Variants in VWF observed in about 807,000 individuals in gnomAD.
VWF encodes the protein von Willebrand factor, also known as Factor VIII related antigen.
A neutral mutation model predicts 308.6 loss-of-function variants in VWF; 176 were observed. The ratio of observed to expected loss-of-function variants is 0.57; its 90% CI spans 0.50 to 0.65. The LOEUF (loss-of-function observed/expected upper bound fraction) is 0.65. Ranked by LOEUF, VWF falls within the 30% of genes least tolerant of loss-of-function variation. The pLI is 0.00. For synonymous variants in VWF, 1,385 were observed against 1,443.4 expected (o/e 0.96, Z 0.92); for missense variants, 3,146 against 3,648.2 (o/e 0.86, Z 3.55).
Position 5,952,449 on chromosome 12 carries a change from C to A in VWF, c.8057G>T (p.Trp2686Leu), listed in dbSNP as rs1484884716. The part of the protein sequence containing the change: ...CKVNERGEYF[W>L]EKRVTGCPPF... ...TGGGCAGCCTGTGACCCTCTTCTCC[C>A]AGAAGTACTCTCCTCTCTCATTGAC... Residue 2686 changes from tryptophan to leucine, a missense_variant, in exon 49 of 52, where the codon TGG (tryptophan) becomes TTG (leucine). Physicochemically the swap from Trp to Leu is moderately conservative, Grantham distance 61 (BLOSUM62 -2). This residue lies in a region of VWF where 989 missense variants were observed against 1,117.4 expected (regional missense o/e 0.89). Transcript: ENST00000261405. 1 of 1,614,134 alleles carries A rather than the reference C, an allele frequency of 6.2e-7. No homozygotes were observed. The highest frequency in any genetic ancestry group is 2.2e-5 in the East Asian group (1 of 44,880).
intron 3 of VWF, among the ~76,000 whole-genome samples, chr12:6,115,948 T>C (rs1036675505): frequency 6.6e-6 from 1 of 152,274 alleles, no homozygotes; most frequent in Middle Eastern, 3.4e-3. Context: ...AAATCCCCTT[T>C]TTGCAACACA....
intron 6 of VWF, among the ~76,000 whole-genome samples, chr12:6,091,206 G>A (rs1439148588): frequency 6.8e-6 from 1 of 147,280 alleles, no homozygotes; most frequent in East Asian, 2.1e-4. Flanking sequence ...TTGGTCAGAG[G>A]TCAAATTGTT....
intron 6 of VWF, among the ~76,000 whole-genome samples, chr12:6,089,924 A>C (rs1461685453): frequency 6.6e-6 from 1 of 152,104 alleles, no homozygotes; most frequent in African/African-American, 2.4e-5. Context: ...ATGTTTGGGA[A>C]AAAAAGAAAG....
chr12:6,033,019 C>A (rs1440764162), intron 20 of VWF, among the ~76,000 whole-genome samples: 1 of 150,784 alleles, frequency 6.6e-6, no homozygotes, highest in East Asian at 1.9e-4. Flanking sequence ...CATGCATACA[C>A]CCACACAGAC....
intron 34 of VWF, among the ~76,000 whole-genome samples, chr12:6,001,766 A>T (rs529722162): frequency 1.4e-4 from 21 of 152,306 alleles, no homozygotes; most frequent in Admixed American, 1.4e-3. Flanking sequence ...TGACAGGAAG[A>T]GAGCGAGGGA....
intron 48 of VWF, 77 bp downstream of exon 48, chr12:5,953,419 T>C: frequency 2.4e-6 from 3 of 1,232,904 alleles, no homozygotes; most frequent in Non-Finnish European, 3.6e-6. Context: ...TTAGCCCCTC[T>C]TCCTTGAAGA....
At chr12:6,032,630 T>C (rs1194203581) in intron 20 of VWF, among the ~76,000 whole-genome samples, 1 of 151,030 alleles carries the variant, frequency 6.6e-6, no homozygotes, top group Non-Finnish European at 1.5e-5. Context: ...AGAGCGAGAC[T>C]CTGTCTCAAA....
At chr12:5,970,612 CA>C (rs1231494927) in intron 44 of VWF, among the ~76,000 whole-genome samples, 1 of 152,154 alleles carries the variant, frequency 6.6e-6, no homozygotes, top group East Asian at 1.9e-4. Context: ...AACCCATAGG[CA>C]ACTCGGACTA....
chr12:5,983,521 TTAGA>T (rs79433577), intron 40 of VWF, among the ~76,000 whole-genome samples: 54 of 136,574 alleles, frequency 4.0e-4, no homozygotes, highest in South Asian at 1.3e-3. Flanking sequence ...ACTAGGTACA[TTAGA>T]TAGATAGATA....
rs1166579446 is a variant in VWF at position 6,063,101 on chromosome 12, G to C, written c.1433-47C>G. 2.0e-6 allele frequency: 3 copies of C among 1,521,394 alleles called. No individual in the cohort carries two copies. The South Asian group carries it at 3.4e-5, about 17-fold the overall frequency. The allele number at this position is 1,521,394 out of a possible 1,614,324, so 94.2% of individuals were successfully genotyped here. A position where few individuals can be genotyped will look rare whatever the true frequency, so the allele number is the denominator to read the frequency against. On this transcript the variant is annotated intron_variant, in intron 12 of 51. Transcript: ENST00000261405. The surrounding 1 kb of genome is among the most constrained non-coding windows in gnomAD (Gnocchi z 4.9). ...CTCAGGCAGAGGTGGGGAGAGGACA[G>C]GGTGGTGGCAGGCAGATGTATTTGG...
chr12:6,034,855 G>T, intron 19 of VWF, 29 bp from the exon 20 acceptor site: 4 of 1,612,106 alleles, frequency 2.5e-6, no homozygotes, highest in Non-Finnish European at 3.4e-6. Flanking sequence ...GAGATGACAA[G>T]TTGGGCACCT....
At chr12:6,123,253 G>A (rs956496299) in intron 1 of VWF, 57 bp from the exon 2 acceptor site, 10 of 1,602,726 alleles carry the variant, frequency 6.2e-6, no homozygotes, top group Non-Finnish European at 8.5e-6. Context: ...GCGGCTGCTG[G>A]TGTGGCGACT....
chr12:6,025,895 C>G lies in VWF; in HGVS notation c.3108+11G>C, dbSNP rs779985303. The G allele has an allele frequency of 2.7e-5, 43 of 1,613,792 alleles. No homozygotes were observed. The Admixed American group carries it at 3.7e-4, about 14-fold the overall frequency. Reference sequence around the variant, plus strand: ...CTCTAGGGCTCTGTCCACACAGAGACCCAGACGTACTTTTCTGGTGTCAGC... The same window carrying G: ...CTCTAGGGCTCTGTCCACACAGAGAGCCAGACGTACTTTTCTGGTGTCAGC... On this transcript the variant is annotated intron_variant, in intron 23 of 51. Coordinates refer to ENST00000261405, the MANE Select transcript of VWF (RefSeq NM_000552.5).
chr12:5,958,757 G>T (rs1257848024), intron 47 of VWF, among the ~76,000 whole-genome samples: 1 of 152,138 alleles, frequency 6.6e-6, no homozygotes, highest in Non-Finnish European at 1.5e-5. Flanking sequence ...ATTTTTACCT[G>T]TTTTCTTTCA....
rs1430387927 is a variant in VWF, at chr12:6,046,879, T to A, written c.2187-62A>T. 3 of 1,456,600 alleles carry A rather than the reference T, an allele frequency of 2.1e-6. No individual in the cohort carries two copies. The African/African-American group carries it at 4.2e-5, about 20-fold the overall frequency. The allele number at this position is 1,456,600 out of a possible 1,614,324, so 90.2% of individuals were successfully genotyped here. ...CTCGTCTATACTCGCTGCCTCCACA[T>A]CTTCACCTCCCACTCACTCTCTGCC... On this transcript the variant is annotated intron_variant, in intron 16 of 51. Transcript: ENST00000261405. The surrounding 1 kb of genome is among the most constrained non-coding windows in gnomAD (Gnocchi z 5.0).
chr12:6,085,041 C>G (rs1279224785), intron 6 of VWF, among the ~76,000 whole-genome samples: 1 of 152,172 alleles, frequency 6.6e-6, no homozygotes, highest in Non-Finnish European at 1.5e-5. Flanking sequence ...TAGCTGGGGT[C>G]CAGTGCTCAT....
At chr12:6,021,534 A>C (rs532731966) in intron 27 of VWF, 1 of 214,280 alleles carries the variant, frequency 4.7e-6, no homozygotes, top group African/African-American at 2.3e-5. Flanking sequence ...CCCCACCTCC[A>C]GTATATGGAC....
intron 44 of VWF, 73 bp from the exon 45 acceptor site, chr12:5,969,464 T>C: frequency 6.3e-7 from 1 of 1,576,466 alleles, no homozygotes; most frequent in South Asian, 1.1e-5. Flanking sequence ...GAATGTGCTC[T>C]TCTCTCAGGA....
Position 6,058,413 on chromosome 12 carries a change from G to A in VWF, c.1534-369C>T, listed in dbSNP as rs1258219823. Among the ~76,000 whole-genome samples, 1 of 152,164 alleles carries A rather than the reference G, an allele frequency of 6.6e-6. No homozygotes were observed. Among genetic ancestry groups the A allele is most frequent in the East Asian group, 1.9e-4 (1 of 5,170 alleles). ...GTAGGCAGGTTGAGCCCAGCCCGAA[G>A]CACTCTGCCCTCTGTGCCATCCACA... On this transcript the variant is annotated intron_variant, in intron 13 of 51. Coordinates refer to ENST00000261405, the MANE Select transcript of VWF (RefSeq NM_000552.5). The surrounding 1 kb of genome is among the most constrained non-coding windows in gnomAD (Gnocchi z 4.9).
Sources: allele counts gnomAD v4.1 joint callset (sites outside exome capture counted in the v4.1 genomes callset), GRCh38; gene constraint gnomAD v4.1.1; regional missense constraint gnomAD v4.1.1; non-coding constraint Gnocchi (gnomAD v3.1); transcripts MANE v1.5; gene names NCBI Gene and HGNC (gene_info 2026-07-23, HGNC 2026-07-21).